Variants in KIRREL3 observed in about 807,000 individuals in gnomAD.
KIRREL3 encodes the protein kirre like nephrin family adhesion molecule 3.
In KIRREL3, 36 loss-of-function variants were observed where a neutral mutation model predicts 89.7. The observed-to-expected ratio is 0.40, with a 90% CI of 0.31 to 0.53. The LOEUF is 0.53. Ranked by LOEUF, KIRREL3 falls within the 20% of genes least tolerant of loss-of-function variation. The probability of loss-of-function intolerance (pLI) is 0.49; values close to 1 mark genes in which losing one functional copy is unlikely to be tolerated. For missense variants in KIRREL3, 864 were observed against 1,056.6 expected (o/e 0.82, Z 2.53); for synonymous variants, 445 against 441.4 (o/e 1.01, Z -0.10).
chr11:126,601,143 T>C lies in KIRREL3; in HGVS notation c.56-38231A>G, dbSNP rs966269722. ...GCAATCTTTCCAATCTAGGAAGCAA[T>C]AAAGAAATGTATTTATGAACCAGCC... On this transcript the variant is annotated intron_variant, in intron 1 of 16. Transcript: ENST00000525144. This position sits in a 1 kb window ranked among gnomAD's most constrained non-coding sequence, Gnocchi z 5.8. Among the ~76,000 whole-genome samples the C allele has an allele frequency of 6.6e-6, 1 of 151,372 alleles. No individual in the cohort carries two copies. Among genetic ancestry groups the C allele is most frequent in the Non-Finnish European group, 1.5e-5 (1 of 67,898 alleles).
rs1947713395 is a variant in KIRREL3 at position 126,710,463 on chromosome 11, C to T, written c.56-147551G>A. Among the ~76,000 whole-genome samples the T allele has an allele frequency of 6.6e-6, 1 of 152,134 alleles. No homozygotes were observed. Among genetic ancestry groups the T allele is most frequent in the Non-Finnish European group, 1.5e-5 (1 of 68,018 alleles). ...ACTGTTCAATAGCATTCAAGTAACC[C>T]TTCATGGCATGCCGAGATTCCTAAT... On this transcript the variant is annotated intron_variant, in intron 1 of 16. Coordinates refer to ENST00000525144, the MANE Select transcript of KIRREL3 (RefSeq NM_032531.4). This position sits in a 1 kb window ranked among gnomAD's most constrained non-coding sequence, Gnocchi z 4.2.
chr11:126,485,963 C>T lies in KIRREL3; in HGVS notation c.434-12497G>A, dbSNP rs979305685. On this transcript the variant is annotated intron_variant, in intron 4 of 16. Coordinates refer to ENST00000525144, the MANE Select transcript of KIRREL3 (RefSeq NM_032531.4). The surrounding 1 kb of genome is among the most constrained non-coding windows in gnomAD (Gnocchi z 5.8). ...AGCCAGGTGCTGTCAGGGTCAAAGT[C>T]AGCAGTGGCTTGGTTCGCTCCTTAA... is the stretch of plus-strand genomic sequence containing the variant. Among the ~76,000 whole-genome samples the T allele has an allele frequency of 1.3e-5, 2 of 152,232 alleles. No homozygotes were observed. The highest frequency in any genetic ancestry group is 2.9e-5 in the Non-Finnish European group (2 of 68,040).
chr11:126,556,282 C>T (rs1939700128), intron 2 of KIRREL3, among the ~76,000 whole-genome samples: 1 of 151,894 alleles, frequency 6.6e-6, no homozygotes, highest in Non-Finnish European at 1.5e-5. Context: ...ACAGGAGGCA[C>T]TCAGGAGATA....
At chr11:126,717,831 T>C (rs1948026363) in intron 1 of KIRREL3, among the ~76,000 whole-genome samples, 1 of 152,236 alleles carries the variant, frequency 6.6e-6, no homozygotes, top group Non-Finnish European at 1.5e-5. Flanking sequence ...GCATATCTAA[T>C]ATCCATCTTT....
At chr11:126,854,161 T>A (rs1318588301) in intron 1 of KIRREL3, among the ~76,000 whole-genome samples, 2 of 146,008 alleles carry the variant, frequency 1.4e-5, no homozygotes, top group African/African-American at 5.1e-5. Context: ...TGTGTGTGTA[T>A]GTGGTGTGTG....
At position 126,490,350 on chromosome 11, in the gene KIRREL3, C is replaced by T. The variant is rs920184763; in HGVS notation, c.434-16884G>A. On this transcript the variant is annotated intron_variant, in intron 4 of 16. Coordinates refer to ENST00000525144, the MANE Select transcript of KIRREL3 (RefSeq NM_032531.4). This position sits in a 1 kb window ranked among gnomAD's most constrained non-coding sequence, Gnocchi z 4.2. ...AGGGAGAGGTGAGCAGAGCTTTCTC[C>T]CCATGAAGTATTCTTCAGCCTGGCC... Among the ~76,000 whole-genome samples the T allele has an allele frequency of 2.0e-5, 3 of 152,090 alleles. No individual in the cohort carries two copies. Among genetic ancestry groups the T allele is most frequent in the Non-Finnish European group, 4.4e-5 (3 of 68,028 alleles).
rs186325172 is a variant in KIRREL3 at position 126,986,672 on chromosome 11, C to T, written c.55+13783G>A. Among the ~76,000 whole-genome samples the T allele has an allele frequency of 1.4e-4, 22 of 152,308 alleles. No individual in the cohort carries two copies. The East Asian group carries it at 4.3e-3, about 29-fold the overall frequency. On this transcript the variant is annotated intron_variant, in intron 1 of 16. Coordinates refer to ENST00000525144, the MANE Select transcript of KIRREL3 (RefSeq NM_032531.4). ...AGTTGTGAGAGGAAGGCAATGATGT[C>T]AGTGACGGATTGGCATAGCTGCTGT...
chr11:126,753,981 G>A (rs979676914), intron 1 of KIRREL3, among the ~76,000 whole-genome samples: 2 of 152,148 alleles, frequency 1.3e-5, no homozygotes, highest in African/African-American at 4.8e-5. Flanking sequence ...GACTGGGACT[G>A]GGAAATGAGG....
At position 126,528,529 on chromosome 11, in the gene KIRREL3, C is replaced by T. The variant is rs930115638; in HGVS notation, c.134-1842G>A. ...TCTTGGCAGGGTCTCCGAGGAGTCT[C>T]ATTAAAAATCAAATTGGCCTTGAAT... is the stretch of plus-strand genomic sequence containing the variant. On this transcript the variant is annotated intron_variant, in intron 2 of 16. Transcript: ENST00000525144. The surrounding 1 kb of genome is among the most constrained non-coding windows in gnomAD (Gnocchi z 4.6). Among the ~76,000 whole-genome samples the T allele has an allele frequency of 2.0e-5, 3 of 152,162 alleles. No homozygotes were observed. Among genetic ancestry groups the T allele is most frequent in the African/African-American group, 7.2e-5 (3 of 41,440 alleles).
At chr11:126,929,456 G>C (rs1003222084) in intron 1 of KIRREL3, among the ~76,000 whole-genome samples, 1 of 152,184 alleles carries the variant, frequency 6.6e-6, no homozygotes, top group African/African-American at 2.4e-5. Context: ...TTCCACAAAT[G>C]CTGCCGTCTG....
In KIRREL3 at chr11:126,551,055, T is replaced by C. The variant is rs1289751197; in HGVS notation, c.133+11780A>G. Among the ~76,000 whole-genome samples the C allele has an allele frequency of 6.6e-6, 1 of 152,132 alleles. No homozygotes were observed. The highest frequency in any genetic ancestry group is 6.5e-5 in the Admixed American group (1 of 15,272). On this transcript the variant is annotated intron_variant, in intron 2 of 16. Coordinates refer to ENST00000525144, the MANE Select transcript of KIRREL3 (RefSeq NM_032531.4). This position sits in a 1 kb window ranked among gnomAD's most constrained non-coding sequence, Gnocchi z 4.9. ...AATTTGCTAGAGTGGCACGAAGACC[T>C]CAGGGAAACACTTACCTATGTTTAC...
intron 1 of KIRREL3, among the ~76,000 whole-genome samples, chr11:126,863,490 CGTGTGTGAGTGT>C (rs1446433433): frequency 6.5e-4 from 19 of 29,256 alleles, no homozygotes; most frequent in Non-Finnish European, 9.1e-4. Flanking sequence ...TGTGTGAGTG[CGTGTGTGAGTGT>C]GAGTGCGTGT....
chr11:126,988,764 A>C (rs1455236997), intron 1 of KIRREL3, among the ~76,000 whole-genome samples: 1 of 152,238 alleles, frequency 6.6e-6, no homozygotes, highest in Non-Finnish European at 1.5e-5. Context: ...GGATGGAATA[A>C]GGGAATGCAT....
In KIRREL3 at chr11:126,780,830, G is replaced by C. The variant is rs968316547; in HGVS notation, c.56-217918C>G. On this transcript the variant is annotated intron_variant, in intron 1 of 16. Transcript: ENST00000525144. The surrounding 1 kb of genome is among the most constrained non-coding windows in gnomAD (Gnocchi z 5.3). ...TATGCATCAAAAACACCACACAGCAGGGAGGCTTCTCAGCTTTGCCACTGG... is the reference window on the plus strand; with the variant it reads ...TATGCATCAAAAACACCACACAGCACGGAGGCTTCTCAGCTTTGCCACTGG... Among the ~76,000 whole-genome samples the C allele has an allele frequency of 2.4e-4, 36 of 152,354 alleles. No homozygotes were observed. The highest frequency in any genetic ancestry group is 8.4e-4 in the African/African-American group (35 of 41,580).
chr11:126,798,313 G>A (rs1293329218), intron 1 of KIRREL3, among the ~76,000 whole-genome samples: 1 of 152,098 alleles, frequency 6.6e-6, no homozygotes, highest in East Asian at 1.9e-4. Flanking sequence ...CTCCCTTATT[G>A]CTTGCTGGGG....
intron 1 of KIRREL3, among the ~76,000 whole-genome samples, chr11:126,741,400 C>G (rs1383170843): frequency 1.3e-5 from 2 of 152,182 alleles, no homozygotes; most frequent in African/African-American, 2.4e-5. Flanking sequence ...GGGGCCAGCA[C>G]AATGACTCTT....
At chr11:126,730,331 C>T (rs1485012152) in intron 1 of KIRREL3, among the ~76,000 whole-genome samples, 4 of 152,230 alleles carry the variant, frequency 2.6e-5, no homozygotes, top group Non-Finnish European at 5.9e-5. Context: ...CATCAACATC[C>T]CCTAATTGTC....
chr11:126,892,861 C>T lies in KIRREL3; in HGVS notation c.55+107594G>A, dbSNP rs1220404557. On this transcript the variant is annotated intron_variant, in intron 1 of 16. Coordinates refer to ENST00000525144, the MANE Select transcript of KIRREL3 (RefSeq NM_032531.4). The surrounding 1 kb of genome is among the most constrained non-coding windows in gnomAD (Gnocchi z 5.4). Reference sequence around the variant, plus strand: ...GGACAAAAGAGAGGCTCGGGTAGAGCTTATCTAGTGGATGAACCTGCTCCT... The same window carrying T: ...GGACAAAAGAGAGGCTCGGGTAGAGTTTATCTAGTGGATGAACCTGCTCCT... Among the ~76,000 whole-genome samples the T allele has an allele frequency of 2.6e-5, 4 of 152,214 alleles. No individual in the cohort carries two copies.
intron 1 of KIRREL3, among the ~76,000 whole-genome samples, chr11:126,820,700 C>CAG (rs1829160204): frequency 6.6e-6 from 1 of 152,174 alleles, no homozygotes; most frequent in East Asian, 1.9e-4. Flanking sequence ...AAGGCACAAG[C>CAG]AGAGTCTCAG....
Sources: gnomAD v4.1 joint callset for allele counts (sites outside exome capture counted in the v4.1 genomes callset) on GRCh38, gnomAD v4.1.1 for gene constraint, Gnocchi (gnomAD v3.1) non-coding constraint, MANE v1.5 for transcripts, NCBI Gene and HGNC (gene_info 2026-07-23, HGNC 2026-07-21) for gene names.